Variants in HEMK2 observed in about 807,000 individuals in gnomAD.
HEMK2 encodes the protein methyltransferase HEMK2.
At chr21:28,696,595 T>C in the HEMK2 span, among the ~76,000 whole-genome samples, 2 of 152,160 alleles carry the variant, frequency 1.3e-5, no homozygotes, top group Non-Finnish European at 1.5e-5. Context: ...GGATCTACCA[T>C]TCTGGGGTCT....
chr21:28,808,561 T>G, the HEMK2 span, among the ~76,000 whole-genome samples: 1 of 152,132 alleles, frequency 6.6e-6, no homozygotes, highest in Non-Finnish European at 1.5e-5. Flanking sequence ...TTAATTTCCC[T>G]TGGCATTGCT....
the HEMK2 span, among the ~76,000 whole-genome samples, chr21:28,722,847 G>T: frequency 6.6e-6 from 1 of 152,134 alleles, no homozygotes; most frequent in Admixed American, 6.5e-5. Flanking sequence ...TCGCGCCATT[G>T]CACTCCAGCC....
At chr21:28,720,803 C>A in the HEMK2 span, among the ~76,000 whole-genome samples, 1 of 152,126 alleles carries the variant, frequency 6.6e-6, no homozygotes, top group Non-Finnish European at 1.5e-5. Context: ...AAGAAAGTGT[C>A]ATGCGAAATA....
the HEMK2 span, among the ~76,000 whole-genome samples, chr21:28,650,417 G>C: frequency 6.6e-6 from 1 of 151,964 alleles, no homozygotes; most frequent in African/African-American, 2.4e-5. Context: ...GCCATGGTCC[G>C]TTTAATATTG....
the HEMK2 span, among the ~76,000 whole-genome samples, chr21:28,836,497 GA>G: frequency 3.3e-5 from 5 of 151,130 alleles, no homozygotes; most frequent in African/African-American, 7.3e-5. Flanking sequence ...TCTAAATCTT[GA>G]AAAAAAATCC....
the HEMK2 span, among the ~76,000 whole-genome samples, chr21:28,681,133 A>G: frequency 2.0e-5 from 3 of 152,114 alleles, no homozygotes; most frequent in African/African-American, 7.2e-5. Flanking sequence ...CAGATGACAT[A>G]ATTGTATATC....
the HEMK2 span, among the ~76,000 whole-genome samples, chr21:28,839,803 T>C: frequency 3.1e-3 from 473 of 152,230 alleles, 2 homozygotes; most frequent in African/African-American, 0.011. Context: ...AAGAGCAATC[T>C]ACAAATTCAA....
chr21:28,831,630 GGAAGGAAAGAAAGAAAGAAAGAAA>G, the HEMK2 span, among the ~76,000 whole-genome samples: 8 of 52,908 alleles, frequency 1.5e-4, no homozygotes, highest in African/African-American at 9.2e-4. Context: ...AAGGAAAGAA[GGAAGGAAAGAAAGAAAGAAAGAAA>G]GAAAGAAAGA....
the HEMK2 span, among the ~76,000 whole-genome samples, chr21:28,612,484 T>C: frequency 3.3e-5 from 5 of 152,176 alleles, no homozygotes; most frequent in Non-Finnish European, 7.3e-5. Context: ...TTACACTGAA[T>C]GGGAAAAAGT....
chr21:28,743,922 C>T, the HEMK2 span, among the ~76,000 whole-genome samples: 1 of 152,166 alleles, frequency 6.6e-6, no homozygotes, highest in Non-Finnish European at 1.5e-5. Flanking sequence ...TGAAAAAGAA[C>T]AAGATTGCAT....
At chr21:28,878,457 A>G in the HEMK2 span, 3 of 1,026,786 alleles carry the variant, frequency 2.9e-6, no homozygotes, top group Non-Finnish European at 4.4e-6. Context: ...CTGACGAAGG[A>G]GCAGTCAAGT....
chr21:28,808,456 G>C, the HEMK2 span, among the ~76,000 whole-genome samples: 2 of 147,742 alleles, frequency 1.4e-5, no homozygotes, highest in Non-Finnish European at 3.0e-5. Context: ...GGATTGCATT[G>C]AATCAGTAGA....
the HEMK2 span, among the ~76,000 whole-genome samples, chr21:28,680,697 A>T: frequency 3.3e-5 from 5 of 152,106 alleles, no homozygotes; most frequent in East Asian, 7.7e-4. Flanking sequence ...AAAAAGCTTA[A>T]CCACCATGAT....
At chr21:28,678,475 A>G in the HEMK2 span, among the ~76,000 whole-genome samples, 1 of 152,204 alleles carries the variant, frequency 6.6e-6, no homozygotes, top group Admixed American at 6.5e-5. Context: ...ACTCTGCAGG[A>G]TATTACCCAG....
the HEMK2 span, among the ~76,000 whole-genome samples, chr21:28,674,168 C>T: frequency 6.6e-6 from 1 of 152,170 alleles, no homozygotes; most frequent in Non-Finnish European, 1.5e-5. Context: ...CCCATTAGCG[C>T]CATGACAGTT....
At chr21:28,622,436 A>T in the HEMK2 span, among the ~76,000 whole-genome samples, 11 of 152,198 alleles carry the variant, frequency 7.2e-5, no homozygotes, top group Non-Finnish European at 7.3e-5. Context: ...TGCTATCCCC[A>T]TCAAGTTACC....
chr21:28,878,418 C>CA, the HEMK2 span: 4 of 1,497,426 alleles, frequency 2.7e-6, no homozygotes, highest in Non-Finnish European at 2.8e-6. Context: ...GTAATATCAC[C>CA]AAAAAAGTAT....
the HEMK2 span, among the ~76,000 whole-genome samples, chr21:28,745,533 C>T: frequency 6.6e-6 from 1 of 152,166 alleles, no homozygotes; most frequent in African/African-American, 2.4e-5. Context: ...AAGAAGTCCT[C>T]GGAACCAAGA....
the HEMK2 span, among the ~76,000 whole-genome samples, chr21:28,789,666 A>G: frequency 2.6e-5 from 4 of 152,240 alleles, no homozygotes; most frequent in East Asian, 7.7e-4. Flanking sequence ...AACAGCCGAC[A>G]TGTAGATTAT....
Sources: allele counts gnomAD v4.1 joint callset (sites outside exome capture counted in the v4.1 genomes callset), GRCh38; gene constraint gnomAD v4.1.1; transcripts MANE v1.5; gene names NCBI Gene and HGNC (gene_info 2026-07-23, HGNC 2026-07-21).